The following CIMIP7 variants were observed in gnomAD, a reference collection of about 807,000 sequenced individuals.
The protein encoded by CIMIP7 is uncharacterized protein C3orf84.
the CIMIP7 span, chr3:49,178,566 A>G: frequency 6.2e-7 from 1 of 1,602,516 alleles, no homozygotes; most frequent in Non-Finnish European, 8.5e-7. Context: ...AAGAAGGTGA[A>G]TGGGGAAAAT....
chr3:49,186,793 C>T, the CIMIP7 span, among the ~76,000 whole-genome samples: 3 of 152,260 alleles, frequency 2.0e-5, no homozygotes, highest in African/African-American at 7.2e-5. Flanking sequence ...TTTGAATGAA[C>T]TTTAGTGATT....
the CIMIP7 span, among the ~76,000 whole-genome samples, chr3:49,180,929 C>CAAAAA: frequency 3.0e-5 from 2 of 65,924 alleles, no homozygotes; most frequent in African/African-American, 6.5e-5. Context: ...GACTCCGTCT[C>CAAAAA]AAAAAAAAAA....
the CIMIP7 span, among the ~76,000 whole-genome samples, chr3:49,185,134 G>A: frequency 4.6e-5 from 7 of 151,766 alleles, no homozygotes; most frequent in Non-Finnish European, 8.8e-5. Flanking sequence ...GGTGGTGCAT[G>A]CCTGTAATCC....
chr3:49,181,908 T>A, the CIMIP7 span, among the ~76,000 whole-genome samples: 1 of 152,204 alleles, frequency 6.6e-6, no homozygotes, highest in Non-Finnish European at 1.5e-5. Flanking sequence ...GTTTGTTCCT[T>A]CTGACGTTCG....
the CIMIP7 span, among the ~76,000 whole-genome samples, chr3:49,184,161 C>T: frequency 6.6e-6 from 1 of 152,104 alleles, no homozygotes; most frequent in Non-Finnish European, 1.5e-5. Flanking sequence ...TCATGCCTGG[C>T]TAATTGTTTA....
the CIMIP7 span, among the ~76,000 whole-genome samples, chr3:49,185,217 C>T: frequency 2.7e-5 from 4 of 149,390 alleles, no homozygotes; most frequent in East Asian, 2.0e-4. Context: ...GCCGAGATCA[C>T]GACACTGCAC....
chr3:49,190,951 G>A, the CIMIP7 span, among the ~76,000 whole-genome samples: 1 of 152,154 alleles, frequency 6.6e-6, no homozygotes, highest in African/African-American at 2.4e-5. Flanking sequence ...ACAGGCGTGA[G>A]CCACTGCGCC....
the CIMIP7 span, among the ~76,000 whole-genome samples, chr3:49,184,909 G>A: frequency 1.3e-5 from 2 of 151,830 alleles, no homozygotes; most frequent in East Asian, 1.9e-4. Context: ...GATTACAGGC[G>A]TGAGCCACTG....
chr3:49,177,860 C>T, the CIMIP7 span: 1 of 1,613,666 alleles, frequency 6.2e-7, no homozygotes, highest in Non-Finnish European at 8.5e-7. Context: ...TGGACCTGCA[C>T]AAAGTGGATG....
At chr3:49,183,992 T>G in the CIMIP7 span, among the ~76,000 whole-genome samples, 1 of 152,198 alleles carries the variant, frequency 6.6e-6, no homozygotes, top group Non-Finnish European at 1.5e-5. Context: ...GCATATTGTA[T>G]TATTCTATTT....
At chr3:49,177,781 C>G in the CIMIP7 span, 1 of 1,611,288 alleles carries the variant, frequency 6.2e-7, no homozygotes, top group Non-Finnish European at 8.5e-7. Context: ...TACCTTGTAG[C>G]TGCCATAGTG....
the CIMIP7 span, among the ~76,000 whole-genome samples, chr3:49,186,719 C>T: frequency 1.3e-5 from 2 of 152,138 alleles, no homozygotes; most frequent in African/African-American, 2.4e-5. Flanking sequence ...CACCACGCCC[C>T]GCCCATAGCT....
chr3:49,183,554 C>A, the CIMIP7 span, among the ~76,000 whole-genome samples: 4 of 152,164 alleles, frequency 2.6e-5, no homozygotes, highest in African/African-American at 9.7e-5. Context: ...TGGTGGCACA[C>A]ACCTGTAATG....
At chr3:49,183,411 G>A in the CIMIP7 span, among the ~76,000 whole-genome samples, 164 of 152,294 alleles carry the variant, frequency 1.1e-3, 4 homozygotes, top group South Asian at 0.032. Flanking sequence ...AGCCGGGCGC[G>A]GTGGCTCATC....
chr3:49,184,736 C>T, the CIMIP7 span, among the ~76,000 whole-genome samples: 2 of 150,866 alleles, frequency 1.3e-5, no homozygotes, highest in Admixed American at 6.6e-5. Flanking sequence ...TCAAGCACTT[C>T]TCCTGCCTCA....
chr3:49,184,118 C>T, the CIMIP7 span, among the ~76,000 whole-genome samples: 1 of 152,174 alleles, frequency 6.6e-6, no homozygotes, highest in Non-Finnish European at 1.5e-5. Flanking sequence ...CTACCTCAGC[C>T]TCTGGAGTAG....
the CIMIP7 span, among the ~76,000 whole-genome samples, chr3:49,181,770 T>C: frequency 6.6e-6 from 1 of 152,222 alleles, no homozygotes; most frequent in Non-Finnish European, 1.5e-5. Flanking sequence ...CAAAGAAGAT[T>C]TACAGACGAC....
the CIMIP7 span, among the ~76,000 whole-genome samples, chr3:49,186,692 C>T: frequency 5.4e-4 from 82 of 152,292 alleles, no homozygotes; most frequent in Non-Finnish European, 9.7e-4. Context: ...CGTGAGCCAC[C>T]GCACCCAGCC....
At chr3:49,189,797 C>A in the CIMIP7 span, 1 of 687,376 alleles carries the variant, frequency 1.5e-6, no homozygotes, top group Non-Finnish European at 2.8e-6. Context: ...TAGGCCCTTA[C>A]CCTTTGTCCA....
Sources: gnomAD v4.1 joint callset for allele counts (sites outside exome capture counted in the v4.1 genomes callset) on GRCh38, gnomAD v4.1.1 for gene constraint, MANE v1.5 for transcripts, NCBI Gene and HGNC (gene_info 2026-07-23, HGNC 2026-07-21) for gene names.